ZC3H3: variants seen among roughly 807,000 people sequenced by gnomAD.
ZC3H3 encodes the protein zinc finger CCCH-type containing 3, also known as zinc finger CCCH domain-containing protein 3.
ZC3H3 carries 36 observed loss-of-function variants against 77.3 expected under a neutral mutation model. That is an observed-to-expected ratio of 0.47 (90% CI 0.36 to 0.61). The LOEUF is 0.61. ZC3H3 is among the 20% of genes least tolerant of loss of function. The pLI is 0.00. For synonymous variants in ZC3H3, 626 were observed against 555.2 expected, an observed-to-expected ratio of 1.13 and a Z score of -1.79; for missense variants, 1,331 against 1,312.2, an observed-to-expected ratio of 1.01 and a Z score of -0.22.
At chr8:143,501,867 T>G in intron 4 of ZC3H3, among the ~76,000 whole-genome samples, 1 of 152,236 alleles carries the variant, frequency 6.6e-6, no homozygotes, top group South Asian at 2.1e-4. Flanking sequence ...CATCAGAAGA[T>G]GGCGAGAACC....
intron 5 of ZC3H3, among the ~76,000 whole-genome samples, chr8:143,472,508 G>A (rs904884040): frequency 1.3e-5 from 2 of 152,190 alleles, no homozygotes; most frequent in Non-Finnish European, 2.9e-5. Context: ...CCACTGCTGA[G>A]CGGGCCAGGG....
At chr8:143,464,407 G>A (rs906757655) in intron 9 of ZC3H3, among the ~76,000 whole-genome samples, 1 of 152,360 alleles carries the variant, frequency 6.6e-6, no homozygotes, top group East Asian at 1.9e-4. Context: ...TTTCAGGTTG[G>A]GGAGCCCGGC....
intron 3 of ZC3H3, among the ~76,000 whole-genome samples, chr8:143,513,423 C>T (rs1235836983): frequency 3.9e-5 from 6 of 152,160 alleles, no homozygotes; most frequent in Non-Finnish European, 7.4e-5. Context: ...GTGATCCTGC[C>T]CCCACCAAGG....
intron 8 of ZC3H3, among the ~76,000 whole-genome samples, chr8:143,467,471 A>G (rs1405516160): frequency 6.6e-6 from 1 of 152,222 alleles, no homozygotes; most frequent in African/African-American, 2.4e-5. Flanking sequence ...CCGAAGCTCT[A>G]TTAGGGAGAA....
rs751215773 is a variant in ZC3H3 at position 143,440,954 on chromosome 8, G to A, written c.2474C>T (p.Ser825Leu). 61 of 1,435,312 alleles carry A rather than the reference G, an allele frequency of 4.2e-5. No homozygotes were observed. The highest frequency in any genetic ancestry group is 1.9e-4 in the African/African-American group (13 of 67,260). 88.9% of individuals were successfully genotyped at this position (1,435,312 alleles called of 1,614,324 possible). ...PSDATARSRV[S>L]ASHGPRKPSA... ...CCATCACCTGGGCCCGTGGCTGGCC[G>A]AGACCCTGCTCCTGGCGGTTGCGTC... Residue 825 changes from serine to leucine, a missense_variant, in exon 10 of 12, where the codon TCG (serine) becomes TTG (leucine). By Grantham distance (145) the Ser-to-Leu change is moderately radical. This residue lies in a region of ZC3H3 where 249 missense variants were observed against 236.9 expected (regional missense o/e 1.05). Transcript: ENST00000262577.
At chr8:143,519,666 G>A (rs73715652) in intron 3 of ZC3H3, among the ~76,000 whole-genome samples, 2,596 of 152,236 alleles carry the variant, frequency 0.017, 63 homozygotes, top group African/African-American at 0.059. Context: ...CGCCACAGCG[G>A]CCCACACAGC....
rs1820289843 is a variant in ZC3H3 at position 143,462,419 on chromosome 8, C to G, written c.2307+3298G>C. ...TGTCAGGACCTTGCCTCATAAAGGACGAAGGATTCGGCCTAACAAAGGGCA... is the reference window on the plus strand; with the variant it reads ...TGTCAGGACCTTGCCTCATAAAGGAGGAAGGATTCGGCCTAACAAAGGGCA... On this transcript the variant is annotated intron_variant, in intron 9 of 11. Transcript: ENST00000262577. This position sits in a 1 kb window ranked among gnomAD's most constrained non-coding sequence, Gnocchi z 4.7. Among the ~76,000 whole-genome samples the G allele has an allele frequency of 6.6e-6, 1 of 152,176 alleles. No individual in the cohort carries two copies. The highest frequency in any genetic ancestry group is 2.1e-4 in the South Asian group (1 of 4,832).
At chr8:143,541,170 C>T (rs879775557) in intron 1 of ZC3H3, among the ~76,000 whole-genome samples, 2 of 152,188 alleles carry the variant, frequency 1.3e-5, no homozygotes, top group Non-Finnish European at 2.9e-5. Flanking sequence ...GCAGGGCCGG[C>T]ACCACTCCCT....
chr8:143,445,598 CAGG>C lies in ZC3H3; in HGVS notation c.2308-4481_2308-4479del, dbSNP rs577067711. Among the ~76,000 whole-genome samples the C allele has an allele frequency of 1.4e-3, 205 of 151,780 alleles. 1 individual carries two copies. The highest frequency in any genetic ancestry group is 4.7e-3 in the African/African-American group (196 of 41,294). ...ATCCCTGCTGCTTGAGAGGCTGAGG[CAGG>C]AGGATTACGTGAGCCCAGGAGTTGG... On this transcript the variant is annotated intron_variant, in intron 9 of 11. Coordinates refer to ENST00000262577, the MANE Select transcript of ZC3H3 (RefSeq NM_015117.3).
In ZC3H3 at chr8:143,440,930, C is replaced by T. The variant is rs1819724098; in HGVS notation, c.2492+6G>A. On this transcript the variant is annotated splice_donor_region_variant and intron_variant, in intron 10 of 11. Coordinates refer to ENST00000262577, the MANE Select transcript of ZC3H3 (RefSeq NM_015117.3). ...CTCACATGCACAGTGCCCACTGCCCCATCACCTGGGCCCGTGGCTGGCCGA... is the reference window on the plus strand; with the variant it reads ...CTCACATGCACAGTGCCCACTGCCCTATCACCTGGGCCCGTGGCTGGCCGA... 7.0e-7 allele frequency: 1 copy of T among 1,422,042 alleles called. No individual in the cohort carries two copies. The highest frequency in any genetic ancestry group is 9.2e-7 in the Non-Finnish European group (1 of 1,092,432). The allele number at this position is 1,422,042 out of a possible 1,614,324, so 88.1% of individuals were successfully genotyped here.
rs113716075 is a variant in ZC3H3 at position 143,465,772 on chromosome 8, C to T, written c.2252G>A (p.Arg751His). 3.8e-5 allele frequency: 61 copies of T among 1,613,894 alleles called. No individual in the cohort carries two copies. The Admixed American group carries it at 4.0e-4, about 11-fold the overall frequency. Reference sequence around the variant, plus strand: ...GAAGTCGCTGCAGACCTCGGCCTTGCGGGACACGTACACGTGGCTATAGGG... The same window carrying T: ...GAAGTCGCTGCAGACCTCGGCCTTGTGGGACACGTACACGTGGCTATAGGG... ...NCPYSHVYVS[R>H]KAEVCSDFLK... The change falls in exon 9 of 12, where the codon CGC becomes CAC. Residue 751 changes from arginine to histidine, a missense_variant. Coordinates refer to ENST00000262577, the MANE Select transcript of ZC3H3 (RefSeq NM_015117.3).
At chr8:143,459,504 G>T (rs1184961103) in intron 9 of ZC3H3, among the ~76,000 whole-genome samples, 1 of 152,096 alleles carries the variant, frequency 6.6e-6, no homozygotes, top group African/African-American at 2.4e-5. Context: ...AGCTGAGATC[G>T]TACCAGTGCA....
chr8:143,541,352 C>CGTCCCG (rs1823009306), intron 1 of ZC3H3, 24 bp downstream of exon 1: 1 of 1,605,920 alleles, frequency 6.2e-7, no homozygotes, highest in Admixed American at 1.7e-5. Context: ...AGGGGACTCG[C>CGTCCCG]GTCCCGGCCC....
chr8:143,491,873 G>A (rs1044465561), intron 4 of ZC3H3, among the ~76,000 whole-genome samples: 1 of 152,144 alleles, frequency 6.6e-6, no homozygotes, highest in African/African-American at 2.4e-5. Context: ...GCCTGGCTTG[G>A]ACCACTCACA....
At chr8:143,474,480 A>G (rs761998121) in intron 5 of ZC3H3, among the ~76,000 whole-genome samples, 5 of 152,222 alleles carry the variant, frequency 3.3e-5, no homozygotes, top group Non-Finnish European at 4.4e-5. Flanking sequence ...TCTGCCCAGG[A>G]AACAGCCCAG....
At chr8:143,514,276 C>T (rs911532383) in intron 3 of ZC3H3, among the ~76,000 whole-genome samples, 1 of 152,158 alleles carries the variant, frequency 6.6e-6, no homozygotes, top group African/African-American at 2.4e-5. Flanking sequence ...GCCCTCTCTC[C>T]CAGGAGCCTC....
At chr8:143,524,551 C>T (rs551620662) in intron 3 of ZC3H3, among the ~76,000 whole-genome samples, 9 of 152,262 alleles carry the variant, frequency 5.9e-5, no homozygotes, top group African/African-American at 1.7e-4. Context: ...CAGCCCATCA[C>T]GCTAGCAGCA....
intron 3 of ZC3H3, among the ~76,000 whole-genome samples, chr8:143,535,192 C>T (rs1032152864): frequency 2.0e-5 from 3 of 152,140 alleles, no homozygotes; most frequent in Admixed American, 1.3e-4. Flanking sequence ...GCATGTGCCA[C>T]CATGCCCAGC....
intron 9 of ZC3H3, among the ~76,000 whole-genome samples, chr8:143,447,579 A>T (rs1819890723): frequency 6.6e-6 from 1 of 152,208 alleles, no homozygotes; most frequent in Non-Finnish European, 1.5e-5. Context: ...CATACCTGAG[A>T]CTGGGCAATG....
Sources: gnomAD v4.1 joint callset for allele counts (sites outside exome capture counted in the v4.1 genomes callset) on GRCh38, gnomAD v4.1.1 for gene constraint, gnomAD v4.1.1 regional missense constraint, Gnocchi (gnomAD v3.1) non-coding constraint, MANE v1.5 for transcripts, NCBI Gene and HGNC (gene_info 2026-07-23, HGNC 2026-07-21) for gene names.